SLC22A2: variants seen among roughly 807,000 people sequenced by gnomAD.
The protein encoded by SLC22A2 is organic cation transporter 2.
Under a neutral mutation model 60.5 loss-of-function variants are expected in SLC22A2, and 46 were observed. The observed-to-expected ratio is 0.76, with a 90% CI of 0.60 to 0.97. The LOEUF is 0.97. Ranked by LOEUF, SLC22A2 falls within the 50% of genes least tolerant of loss-of-function variation. SLC22A2 has a pLI of 0.00. For synonymous variants in SLC22A2, 303 were observed against 267.0 expected, an observed-to-expected ratio of 1.13 and a Z score of -1.31; for missense variants, 701 against 706.6, an observed-to-expected ratio of 0.99 and a Z score of 0.09.
chr6:160,234,112 A>C (rs1480535370), intron 9 of SLC22A2, among the ~76,000 whole-genome samples: 1 of 152,012 alleles, frequency 6.6e-6, no homozygotes, highest in Admixed American at 6.6e-5. Flanking sequence ...TCCCCCACTG[A>C]GCACATTGTG....
chr6:160,243,725 T>C lies in SLC22A2; in HGVS notation c.1126A>G (p.Ile376Val). ...GCAGAGTAGAAGAAATCCAGGTAGA[T>C]ATTGTCACCTGCAAGGCCCATGTGC... is the stretch of plus-strand genomic sequence containing the variant. Reference protein sequence around the residue: ...IMHMGLAGDNIYLDFFYSALV... With the variant: ...IMHMGLAGDNVYLDFFYSALV... Residue 376 changes from isoleucine to valine, a missense_variant, in exon 7 of 11, where the codon ATC (isoleucine) becomes GTC (valine). Coordinates refer to ENST00000366953, the MANE Select transcript of SLC22A2 (RefSeq NM_003058.4). 1 of 1,613,856 alleles carries C rather than the reference T, an allele frequency of 6.2e-7. No individual in the cohort carries two copies. Among genetic ancestry groups the C allele is most frequent in the South Asian group, 1.1e-5 (1 of 91,056 alleles).
intron 6 of SLC22A2, chr6:160,244,063 G>A (rs1265230343): frequency 8.2e-6 from 3 of 367,418 alleles, no homozygotes; most frequent in Non-Finnish European, 1.5e-5. Context: ...AAGCCAAGAA[G>A]AATGTCTTAA....
At chr6:160,241,693 G>C in intron 8 of SLC22A2, 107 bp from the exon 9 acceptor site, 1 of 735,292 alleles carries the variant, frequency 1.4e-6, no homozygotes, top group South Asian at 1.7e-5. Flanking sequence ...ATGTTCAAGA[G>C]CTATAGTGTA....
intron 9 of SLC22A2, among the ~76,000 whole-genome samples, chr6:160,232,600 T>C (rs1306922606): frequency 6.6e-6 from 1 of 151,318 alleles, no homozygotes; most frequent in Non-Finnish European, 1.5e-5. Flanking sequence ...TCAAAGCTGC[T>C]TTACTTCCAA....
At position 160,247,311 on chromosome 6, in the gene SLC22A2, G is replaced by C. The variant is rs567703339; in HGVS notation, c.843-13C>G. 1 of 1,405,174 alleles carries C rather than the reference G, an allele frequency of 7.1e-7. No homozygotes were observed. The highest frequency in any genetic ancestry group is 1.4e-5 in the African/African-American group (1 of 71,006). The allele number at this position is 1,405,174 out of a possible 1,614,324, so 87.0% of individuals were successfully genotyped here. The stretch of plus-strand genomic sequence containing the variant: ...CTCAGGTATGCACCTAGGGTACAAG[G>C]TGAGCGGAGGGCAACTCTTACTGAA... On this transcript the variant is annotated splice_polypyrimidine_tract_variant and intron_variant, in intron 4 of 10. Coordinates refer to ENST00000366953, the MANE Select transcript of SLC22A2 (RefSeq NM_003058.4).
intron 10 of SLC22A2, chr6:160,218,267 G>A (rs1424415531): frequency 2.6e-5 from 8 of 310,480 alleles, no homozygotes; most frequent in East Asian, 9.4e-5. Context: ...AGTCAGTTGA[G>A]CTCCTCTGGT....
intron 4 of SLC22A2, among the ~76,000 whole-genome samples, chr6:160,248,113 G>A (rs377660513): frequency 3.9e-5 from 6 of 152,226 alleles, no homozygotes; most frequent in Admixed American, 1.3e-4. Context: ...CCGCTGAAGC[G>A]CATGCACTGA....
At chr6:160,220,364 C>A (rs986986204) in intron 10 of SLC22A2, among the ~76,000 whole-genome samples, 1 of 152,176 alleles carries the variant, frequency 6.6e-6, no homozygotes, top group Non-Finnish European at 1.5e-5. Flanking sequence ...AATTCTAGTT[C>A]TTTTGCTATT....
At chr6:160,244,665 G>A (rs1783062640) in intron 6 of SLC22A2, 1 of 152,174 alleles carries the variant, frequency 6.6e-6, no homozygotes, top group African/African-American at 2.4e-5. Context: ...ACTCAGAAAA[G>A]GAAAGAAGGA....
intron 6 of SLC22A2, chr6:160,245,044 A>G (rs1783068219): frequency 6.5e-6 from 1 of 153,646 alleles, no homozygotes. Flanking sequence ...ATAGAGATCT[A>G]CATGCATCAT....
Position 160,255,670 on chromosome 6 carries a change from T to A in SLC22A2, c.518+944A>T, listed in dbSNP as rs116377116. 7.2e-3 allele frequency among the ~76,000 whole-genome samples: 1,089 copies of A among 152,296 alleles called. 11 individuals carry two copies. Among genetic ancestry groups the A allele is most frequent in the African/African-American group, 0.025 (1,050 of 41,554 alleles). ...CACTATCTCACTAGGTGATTGCTGA[T>A]TAAGGGGAATACTATTACCCACAAT... On this transcript the variant is annotated intron_variant, in intron 2 of 10. Coordinates refer to ENST00000366953, the MANE Select transcript of SLC22A2 (RefSeq NM_003058.4).
intron 9 of SLC22A2, among the ~76,000 whole-genome samples, chr6:160,232,558 T>C (rs1039221789): frequency 5.4e-5 from 7 of 129,942 alleles, no homozygotes; most frequent in South Asian, 5.8e-4. Flanking sequence ...GGGTCCTCCA[T>C]CATTAATGCC....
At chr6:160,236,911 G>T (rs1279805811) in intron 9 of SLC22A2, among the ~76,000 whole-genome samples, 1 of 152,100 alleles carries the variant, frequency 6.6e-6, no homozygotes, top group African/African-American at 2.4e-5. Context: ...ACAAAGTTTT[G>T]TCAAAGCCAA....
At chr6:160,229,557 C>T (rs917798183) in intron 9 of SLC22A2, among the ~76,000 whole-genome samples, 4 of 151,802 alleles carry the variant, frequency 2.6e-5, no homozygotes, top group Admixed American at 2.6e-4. Flanking sequence ...GCTGCTCACC[C>T]AACCCCTTCT....
chr6:160,221,038 A>C (rs1322910355), intron 10 of SLC22A2, among the ~76,000 whole-genome samples: 2 of 152,168 alleles, frequency 1.3e-5, no homozygotes, highest in African/African-American at 4.8e-5. Context: ...TTGAAACCAG[A>C]CATTGATTTT....
intron 6 of SLC22A2, chr6:160,245,114 TA>T (rs978123300): frequency 1.2e-5 from 2 of 171,290 alleles, no homozygotes; most frequent in African/African-American, 4.7e-5. Flanking sequence ...CCTGGAGAAT[TA>T]AAAAACTATT....
At position 160,258,796 on chromosome 6, in the gene SLC22A2, C is replaced by T; in HGVS notation, c.-39G>A. The T allele has an allele frequency of 6.6e-7, 1 of 1,507,270 alleles. No individual in the cohort carries two copies. The highest frequency in any genetic ancestry group is 2.3e-5 in the Admixed American group (1 of 44,394). The allele number at this position is 1,507,270 out of a possible 1,614,324, so 93.4% of individuals were successfully genotyped here. A position where few individuals can be genotyped will look rare whatever the true frequency, so the allele number is the denominator to read the frequency against. On this transcript the variant is annotated 5_prime_UTR_variant, in exon 1 of 11. Coordinates refer to ENST00000366953, the MANE Select transcript of SLC22A2 (RefSeq NM_003058.4). The stretch of plus-strand genomic sequence containing the variant: ...GGAGGGCCCGAGGCTGCCCGACGTG[C>T]CCGGAGCGAGGCTGAGAGCGGCTGC...
intron 2 of SLC22A2, among the ~76,000 whole-genome samples, chr6:160,255,481 G>A (rs1394082379): frequency 1.3e-5 from 2 of 152,186 alleles, no homozygotes; most frequent in African/African-American, 4.8e-5. Context: ...TATCATAGAT[G>A]TAGTTGGGGA....
Position 160,221,297 on chromosome 6 carries a change from T to C in SLC22A2, c.1601+3408A>G, listed in dbSNP as rs115170581. Among the ~76,000 whole-genome samples, 613 of 152,354 alleles carry C rather than the reference T, an allele frequency of 4.0e-3. 2 individuals are homozygous for C. Among genetic ancestry groups the C allele is most frequent in the African/African-American group, 0.014 (585 of 41,596 alleles). ...CTTCGAATTTTTCTTCTGCTACTTC[T>C]TCACCTGTCTCAGCCTTCATATAAT... is the stretch of plus-strand genomic sequence containing the variant. On this transcript the variant is annotated intron_variant, in intron 10 of 10. Coordinates refer to ENST00000366953, the MANE Select transcript of SLC22A2 (RefSeq NM_003058.4).
Sources: allele counts gnomAD v4.1 joint callset (sites outside exome capture counted in the v4.1 genomes callset), GRCh38; gene constraint gnomAD v4.1.1; transcripts MANE v1.5; gene names NCBI Gene and HGNC (gene_info 2026-07-23, HGNC 2026-07-21).